MFAP3L: variants seen among roughly 807,000 people sequenced by gnomAD.
The protein encoded by MFAP3L is microfibril associated protein 3 like.
In MFAP3L, 5 loss-of-function variants were observed where a neutral mutation model predicts 20.0. The observed-to-expected ratio is 0.25, with a 90% confidence interval of 0.13 to 0.53. MFAP3L has a LOEUF of 0.53. Among genes scored for constraint, MFAP3L ranks in the 20% least tolerant of loss-of-function variants. MFAP3L has a pLI of 0.96. For missense variants in MFAP3L, 409 were observed against 527.5 expected (o/e 0.78, Z 2.20); for synonymous variants, 219 against 213.0 (o/e 1.03, Z -0.25).
At chr4:169,995,087 A>C (rs1284330985) in intron 2 of MFAP3L, 2 of 152,194 alleles carry the variant, frequency 1.3e-5, no homozygotes, top group African/African-American at 4.8e-5. Flanking sequence ...TTTTCAGTCC[A>C]TTACTAGATT....
chr4:170,007,056 C>T (rs764184221), intron 1 of MFAP3L: 6 of 152,180 alleles, frequency 3.9e-5, no homozygotes, highest in Non-Finnish European at 7.3e-5. Flanking sequence ...ATAGCCATGC[C>T]TTCTTCAAAG....
chr4:170,022,740 C>A (rs141818152), intron 1 of MFAP3L, among the ~76,000 whole-genome samples: 1 of 152,106 alleles, frequency 6.6e-6, no homozygotes, highest in Non-Finnish European at 1.5e-5. Context: ...TTGGACTGGC[C>A]GCTCTGAGCT....
At position 169,989,715 on chromosome 4, in the gene MFAP3L, CTTGG is replaced by C. The variant is rs1223437382; in HGVS notation, c.*1659_*1662del. ...TCATCACCAATGTGATCCATGCAATCTTGGACATCATAACCCCATTACCTGATGT... is the reference window on the plus strand; with the variant it reads ...TCATCACCAATGTGATCCATGCAATCACATCATAACCCCATTACCTGATGT... On this transcript the variant is annotated 3_prime_UTR_variant, in exon 3 of 3. Transcript: ENST00000361618. The C allele has an allele frequency of 2.0e-5, 3 of 152,192 alleles. No individual in the cohort carries two copies. The highest frequency in any genetic ancestry group is 7.2e-5 in the African/African-American group (3 of 41,442). 9.4% of individuals were successfully genotyped at this position (152,192 alleles called of 1,614,324 possible).
At chr4:170,006,099 T>A in intron 1 of MFAP3L, 89 bp from the exon 2 acceptor site, 1 of 1,018,516 alleles carries the variant, frequency 9.8e-7, no homozygotes, top group Non-Finnish European at 1.3e-6. Context: ...GCAGCTAAAA[T>A]ACAAACATCA....
At chr4:169,994,969 C>T (rs924239621) in intron 2 of MFAP3L, 2 of 152,114 alleles carry the variant, frequency 1.3e-5, no homozygotes, top group African/African-American at 4.8e-5. Context: ...TGGGTTATTA[C>T]CTATAGCATG....
chr4:170,006,114 A>G (rs1052598007), intron 1 of MFAP3L, 104 bp from the exon 2 acceptor site: 2 of 821,598 alleles, frequency 2.4e-6, no homozygotes, highest in East Asian at 3.9e-5. Context: ...ACATCAACAT[A>G]CTTTTTTTTT....
rs907462949 is a variant in MFAP3L, at chr4:169,991,951, A to C, written c.657T>G (p.Leu219=). ...PIITSAKTLE[L]AKVTQFKTME... is the part of the protein sequence containing the mutation. Reference sequence around the variant, plus strand: ...TGGTTTTGAACTGGGTGACTTTGGCAAGCTCTAGAGTTTTGGCGGAGGTGA... The same window carrying C: ...TGGTTTTGAACTGGGTGACTTTGGCCAGCTCTAGAGTTTTGGCGGAGGTGA... Residue 219 remains leucine, a synonymous_variant, in exon 3 of 3, where the codon CTT becomes CTG. Coordinates refer to ENST00000361618, the MANE Select transcript of MFAP3L (RefSeq NM_021647.8). The surrounding 1 kb of genome is among the most constrained non-coding windows in gnomAD (Gnocchi z 4.9). The C allele has an allele frequency of 1.2e-6, 2 of 1,614,138 alleles. No individual in the cohort carries two copies. The highest frequency in any genetic ancestry group is 1.7e-6 in the Non-Finnish European group (2 of 1,180,028).
rs1739388994 is a variant in MFAP3L, at chr4:170,011,680, G to A, written c.-133-5670C>T. Among the ~76,000 whole-genome samples, 3 of 152,140 alleles carry A rather than the reference G, an allele frequency of 2.0e-5. No homozygotes were observed. The South Asian group carries it at 6.2e-4, about 32-fold the overall frequency. Reference sequence around the variant, plus strand: ...TGTCAGAATCCGGAAGGGGACACAGGACTCTCCCCTCTTGTCAGAATCCGG... The same window carrying A: ...TGTCAGAATCCGGAAGGGGACACAGAACTCTCCCCTCTTGTCAGAATCCGG... On this transcript the variant is annotated intron_variant, in intron 1 of 2. Transcript: ENST00000361618.
rs1408042092 is a variant in MFAP3L at position 169,990,249 on chromosome 4, T to C, written c.*1129A>G. 1 of 152,202 alleles carries C rather than the reference T, an allele frequency of 6.6e-6. No homozygotes were observed. Among genetic ancestry groups the C allele is most frequent in the African/African-American group, 2.4e-5 (1 of 41,454 alleles). The allele number at this position is 152,202 out of a possible 1,614,324, so 9.4% of individuals were successfully genotyped here. On this transcript the variant is annotated 3_prime_UTR_variant, in exon 3 of 3. Transcript: ENST00000361618. ...GCAGGACTGCATAATTATTCAACAGTTTTGGCATAAAATCTGATGGCACAG... is the reference window on the plus strand; with the variant it reads ...GCAGGACTGCATAATTATTCAACAGCTTTGGCATAAAATCTGATGGCACAG...
intron 2 of MFAP3L, among the ~76,000 whole-genome samples, chr4:169,993,090 C>T (rs1216559042): frequency 6.6e-6 from 1 of 152,152 alleles, no homozygotes; most frequent in Non-Finnish European, 1.5e-5. Context: ...TTTCTTACCC[C>T]CACCACCCTC....
At chr4:170,012,069 C>T (rs1739418834) in intron 1 of MFAP3L, among the ~76,000 whole-genome samples, 1 of 152,006 alleles carries the variant, frequency 6.6e-6, no homozygotes, top group African/African-American at 2.4e-5. Context: ...GATGGGGGCA[C>T]TCACAGGTTT....
At chr4:170,003,043 G>A (rs140482511) in intron 2 of MFAP3L, among the ~76,000 whole-genome samples, 19 of 152,074 alleles carry the variant, frequency 1.2e-4, no homozygotes, top group African/African-American at 4.3e-4. Flanking sequence ...AGAATCTCTC[G>A]TTTCTGTTGT....
intron 2 of MFAP3L, among the ~76,000 whole-genome samples, chr4:169,993,019 C>T (rs1284486480): frequency 2.0e-5 from 3 of 152,146 alleles, no homozygotes; most frequent in Non-Finnish European, 1.5e-5. Context: ...AAATTACAGA[C>T]CCATCAAGTT....
In MFAP3L at chr4:170,009,219, C is replaced by T. The variant is rs533648238; in HGVS notation, c.-133-3209G>A. ...CCAATATGGTGAAACCCCATCTCTA[C>T]TAAAAATACAAAAATTAGCCGGGCG... On this transcript the variant is annotated intron_variant, in intron 1 of 2. Coordinates refer to ENST00000361618, the MANE Select transcript of MFAP3L (RefSeq NM_021647.8). Among the ~76,000 whole-genome samples the T allele has an allele frequency of 1.4e-3, 219 of 151,938 alleles. 1 individual carries two copies. Among genetic ancestry groups the T allele is most frequent in the African/African-American group, 4.7e-3 (193 of 41,432 alleles).
intron 2 of MFAP3L, among the ~76,000 whole-genome samples, chr4:169,996,815 CCT>C (rs993014869): frequency 6.6e-6 from 1 of 152,154 alleles, no homozygotes; most frequent in African/African-American, 2.4e-5. Context: ...TGACTTTTCC[CCT>C]GACAGGTTTG....
intron 2 of MFAP3L, 65 bp downstream of exon 2, chr4:170,005,515 G>A (rs530818478): frequency 6.6e-6 from 10 of 1,507,842 alleles, no homozygotes; most frequent in East Asian, 2.3e-5. Flanking sequence ...CTAACATCAC[G>A]GGTGCTGGCT....
At chr4:170,021,244 T>A (rs991452816) in intron 1 of MFAP3L, among the ~76,000 whole-genome samples, 3 of 152,188 alleles carry the variant, frequency 2.0e-5, no homozygotes, top group African/African-American at 4.8e-5. Flanking sequence ...ATGGGAGTTG[T>A]TTAAAATGCC....
chr4:170,012,460 T>C (rs1182160137), intron 1 of MFAP3L, among the ~76,000 whole-genome samples: 1 of 152,218 alleles, frequency 6.6e-6, no homozygotes, highest in East Asian at 1.9e-4. Context: ...CTCTGCACTC[T>C]GCTGCCACTC....
In MFAP3L at chr4:169,987,246, G is replaced by T. The variant is rs967193840; in HGVS notation, c.*4132C>A. On this transcript the variant is annotated 3_prime_UTR_variant, in exon 3 of 3. Coordinates refer to ENST00000361618, the MANE Select transcript of MFAP3L (RefSeq NM_021647.8). ...AAAATAAACTGTGCTATTTACTGAA[G>T]GATTTTTTAAAATGACCAGTATCTT... 1.3e-5 allele frequency: 2 copies of T among 152,212 alleles called. No homozygotes were observed. The highest frequency in any genetic ancestry group is 4.1e-4 in the South Asian group (2 of 4,832). The allele number at this position is 152,212 out of a possible 1,614,324, so 9.4% of individuals were successfully genotyped here.
Sources: gnomAD v4.1 joint callset for allele counts (sites outside exome capture counted in the v4.1 genomes callset) on GRCh38, gnomAD v4.1.1 for gene constraint, Gnocchi (gnomAD v3.1) non-coding constraint, MANE v1.5 for transcripts, NCBI Gene and HGNC (gene_info 2026-07-23, HGNC 2026-07-21) for gene names.